DDHD1: variants seen among roughly 807,000 people sequenced by gnomAD.
DDHD1 encodes phospholipase DDHD1.
A neutral mutation model predicts 96.4 loss-of-function variants in DDHD1; 49 were observed. The observed-to-expected ratio is 0.51, with a 90% CI of 0.40 to 0.64. The LOEUF (loss-of-function observed/expected upper bound fraction) is 0.64. DDHD1 is among the 30% of genes least tolerant of loss of function. The probability of loss-of-function intolerance (pLI) is 0.00; values close to 1 mark genes in which losing one functional copy is unlikely to be tolerated. For synonymous variants in DDHD1, 442 were observed against 446.5 expected, an observed-to-expected ratio of 0.99 and a Z score of 0.13; for missense variants, 1,106 against 1,161.2, an observed-to-expected ratio of 0.95 and a Z score of 0.69.
At chr14:53,060,924 T>A (rs527768559) in intron 8 of DDHD1, among the ~76,000 whole-genome samples, 1 of 152,348 alleles carries the variant, frequency 6.6e-6, no homozygotes, top group African/African-American at 2.4e-5. Context: ...CTGTGCCATA[T>A]AACCTGAGGA....
At chr14:53,135,415 T>C (rs898805308) in intron 1 of DDHD1, among the ~76,000 whole-genome samples, 11 of 152,144 alleles carry the variant, frequency 7.2e-5, no homozygotes, top group Non-Finnish European at 1.2e-4. Context: ...CCCAAACCTA[T>C]AAGAACTAAT....
intron 6 of DDHD1, among the ~76,000 whole-genome samples, chr14:53,071,039 C>T (rs1213907800): frequency 6.6e-6 from 1 of 152,064 alleles, no homozygotes; most frequent in Non-Finnish European, 1.5e-5. Flanking sequence ...TATTATAGTA[C>T]CTGTAATAAC....
intron 2 of DDHD1, among the ~76,000 whole-genome samples, chr14:53,100,563 G>A (rs1887224317): frequency 6.6e-6 from 1 of 152,088 alleles, no homozygotes; most frequent in Non-Finnish European, 1.5e-5. Flanking sequence ...TCAGATTTTG[G>A]TATCTGGTGG....
chr14:53,112,912 T>C (rs1888215685), intron 1 of DDHD1, among the ~76,000 whole-genome samples: 1 of 152,172 alleles, frequency 6.6e-6, no homozygotes, highest in Non-Finnish European at 1.5e-5. Context: ...AAAAGATATG[T>C]TACAGTCACT....
chr14:53,052,419 T>C (rs1324220873), intron 11 of DDHD1: 1 of 152,660 alleles, frequency 6.6e-6, no homozygotes, highest in African/African-American at 2.4e-5. Flanking sequence ...AGCTTCAGAA[T>C]AAAGGTTATC....
chr14:53,077,663 GT>G lies in DDHD1; in HGVS notation c.1290-3817del, dbSNP rs752020104. Among the ~76,000 whole-genome samples, 29 of 56,734 alleles carry G rather than the reference GT, an allele frequency of 5.1e-4. 1 individual carries two copies. In the East Asian group the frequency reaches 0.01, roughly 20 times the overall value. The allele number at this position is 56,734 out of a possible 152,430, so 37.2% of individuals were successfully genotyped here. On this transcript the variant is annotated intron_variant, in intron 4 of 12. Transcript: ENST00000673822. ...TTTTGACACAACTTCATTAGTTTTT[GT>G]TTTTGTTTTTTTTTTTTAAAAAACA...
At chr14:53,103,578 A>T in intron 2 of DDHD1, 105 bp downstream of exon 2, 1 of 960,224 alleles carries the variant, frequency 1.0e-6, no homozygotes, top group Admixed American at 3.5e-5. Context: ...AAATTTTCTA[A>T]TTCTAAACCT....
intron 1 of DDHD1, among the ~76,000 whole-genome samples, chr14:53,131,175 A>T (rs917235357): frequency 6.6e-6 from 1 of 152,106 alleles, no homozygotes; most frequent in African/African-American, 2.4e-5. Context: ...TAACTAAATT[A>T]TCTGCTTCCC....
intron 7 of DDHD1, among the ~76,000 whole-genome samples, chr14:53,062,514 T>C (rs1433373145): frequency 2.0e-5 from 3 of 151,820 alleles, no homozygotes; most frequent in Non-Finnish European, 4.4e-5. Context: ...ACATATAACA[T>C]GTAAAAAAAT....
intron 6 of DDHD1, among the ~76,000 whole-genome samples, chr14:53,066,537 A>G (rs1884031605): frequency 6.6e-6 from 1 of 152,226 alleles, no homozygotes; most frequent in Non-Finnish European, 1.5e-5. Flanking sequence ...AGGTTCATTC[A>G]CCAGGCATGT....
chr14:53,084,189 T>A (rs561297865), intron 4 of DDHD1, among the ~76,000 whole-genome samples: 19 of 152,330 alleles, frequency 1.2e-4, no homozygotes, highest in Middle Eastern at 3.4e-3. Context: ...CACAAGATTA[T>A]ATAAATCACA....
At chr14:53,082,620 G>A (rs148929218) in intron 4 of DDHD1, among the ~76,000 whole-genome samples, 1,523 of 151,848 alleles carry the variant, frequency 0.01, 31 homozygotes, top group African/African-American at 0.035. Context: ...TTAGCCGGGT[G>A]TGGTGACGTG....
Position 53,116,983 on chromosome 14 carries a change from AAG to A in DDHD1, c.839-13129_839-13128del, listed in dbSNP as rs1422061302. ...GACTGCTAGCTAGACTAATAAAGAA[AAG>A]AGAGAAGAATTAACAAAATAGACTG... On this transcript the variant is annotated intron_variant, in intron 1 of 12. Coordinates refer to ENST00000673822, the MANE Select transcript of DDHD1 (RefSeq NM_001160148.2). Among the ~76,000 whole-genome samples the A allele has an allele frequency of 5.9e-5, 9 of 152,270 alleles. No individual in the cohort carries two copies. In the South Asian group the frequency reaches 1.9e-3, roughly 32 times the overall value.
At chr14:53,125,112 G>C (rs1013935069) in intron 1 of DDHD1, among the ~76,000 whole-genome samples, 1 of 152,110 alleles carries the variant, frequency 6.6e-6, no homozygotes, top group Non-Finnish European at 1.5e-5. Context: ...TCTTTTATAG[G>C]TCTTATCTTC....
rs566774924 is a variant in DDHD1 at position 53,071,434 on chromosome 14, T to C, written c.1503+1163A>G. ...CATACATTTCATAAATGTGGCCCTA[T>C]GTACTGTAATATTTTAAACTTTTTT... On this transcript the variant is annotated intron_variant, in intron 6 of 12. Coordinates refer to ENST00000673822, the MANE Select transcript of DDHD1 (RefSeq NM_001160148.2). Among the ~76,000 whole-genome samples, 3 of 152,232 alleles carry C rather than the reference T, an allele frequency of 2.0e-5. No individual in the cohort carries two copies. In the East Asian group the frequency reaches 5.8e-4, roughly 29 times the overall value.
chr14:53,057,199 T>C (rs1328304967), intron 9 of DDHD1, among the ~76,000 whole-genome samples: 1 of 152,190 alleles, frequency 6.6e-6, no homozygotes, highest in African/African-American at 2.4e-5. Context: ...TATATTTATT[T>C]GGTACTAGCT....
intron 6 of DDHD1, among the ~76,000 whole-genome samples, chr14:53,069,098 G>C (rs1884299111): frequency 6.6e-6 from 1 of 152,164 alleles, no homozygotes; most frequent in African/African-American, 2.4e-5. Flanking sequence ...AGTGTGAGCT[G>C]CTTAATTTGG....
In DDHD1 at chr14:53,058,697, C is replaced by T. The variant is rs529621730; in HGVS notation, c.1843-71G>A. On this transcript the variant is annotated intron_variant, in intron 8 of 12. Transcript: ENST00000673822. ...ATCTTTCAACAAAATTTGGGCATAA[C>T]GTAATATATGGCAAAATACAAATAA... 29 of 1,393,540 alleles carry T rather than the reference C, an allele frequency of 2.1e-5. No homozygotes were observed. The Middle Eastern group carries it at 2.4e-3, about 114-fold the overall frequency. 86.3% of individuals were successfully genotyped at this position (1,393,540 alleles called of 1,614,324 possible).
intron 2 of DDHD1, 160 bp from the exon 3 acceptor site, chr14:53,093,604 G>A: frequency 1.1e-6 from 1 of 896,122 alleles, no homozygotes; most frequent in South Asian, 1.9e-5. Context: ...AAAGTTATGT[G>A]AAGCAAGTAA....
Sources: allele counts gnomAD v4.1 joint callset (sites outside exome capture counted in the v4.1 genomes callset), GRCh38; gene constraint gnomAD v4.1.1; transcripts MANE v1.5; gene names NCBI Gene and HGNC (gene_info 2026-07-23, HGNC 2026-07-21).